Variants in DENND1B observed in about 807,000 individuals in gnomAD.
DENND1B encodes DENN domain containing 1B.
In DENND1B, 59 loss-of-function variants were observed where a neutral mutation model predicts 90.1. That is an observed-to-expected ratio of 0.65 (90% CI 0.53 to 0.81). DENND1B has a LOEUF of 0.81. Ranked by LOEUF, DENND1B falls within the 40% of genes least tolerant of loss-of-function variation. The probability of loss-of-function intolerance (pLI) is 0.00; values close to 1 mark genes in which losing one functional copy is unlikely to be tolerated. For synonymous variants in DENND1B, 337 were observed against 324.6 expected (o/e 1.04, Z -0.41); for missense variants, 862 against 912.6 (o/e 0.94, Z 0.71).
At chr1:197,537,081 T>C (rs1669968052) in intron 20 of DENND1B, among the ~76,000 whole-genome samples, 1 of 151,724 alleles carries the variant, frequency 6.6e-6, no homozygotes, top group Non-Finnish European at 1.5e-5. Context: ...CACAGATATA[T>C]TTACCTATTT....
At chr1:197,587,255 G>GA (rs1470454347) in intron 14 of DENND1B, among the ~76,000 whole-genome samples, 1 of 152,020 alleles carries the variant, frequency 6.6e-6, no homozygotes, top group African/African-American at 2.4e-5. Flanking sequence ...TTCATTCACA[G>GA]AAAAGTAAGT....
At chr1:197,606,461 A>G (rs1676692937) in intron 13 of DENND1B, 1 of 151,278 alleles carries the variant, frequency 6.6e-6, no homozygotes, top group East Asian at 1.9e-4. Flanking sequence ...CAAATGACAA[A>G]CAGTGTAGGT....
chr1:197,773,328 A>G (rs575224343), intron 1 of DENND1B, among the ~76,000 whole-genome samples: 1 of 152,320 alleles, frequency 6.6e-6, no homozygotes, highest in African/African-American at 2.4e-5. Context: ...GAGTGTCCCT[A>G]AGTGTCATTA....
At chr1:197,597,684 C>T (rs1304735265) in intron 13 of DENND1B, among the ~76,000 whole-genome samples, 1 of 151,774 alleles carries the variant, frequency 6.6e-6, no homozygotes. Flanking sequence ...TGCCACAAGC[C>T]ATTCCAAACC....
At chr1:197,523,030 C>T (rs990582947) in intron 20 of DENND1B, among the ~76,000 whole-genome samples, 3 of 152,184 alleles carry the variant, frequency 2.0e-5, no homozygotes, top group South Asian at 2.1e-4. Flanking sequence ...ATTGAGGTAA[C>T]TCTACTACCT....
intron 18 of DENND1B, among the ~76,000 whole-genome samples, chr1:197,542,650 C>T (rs1007402163): frequency 4.6e-5 from 7 of 152,032 alleles, no homozygotes; most frequent in Non-Finnish European, 7.4e-5. Context: ...TTATACCACA[C>T]AACAGAAATT....
At chr1:197,732,765 G>A (rs1350161718) in intron 2 of DENND1B, among the ~76,000 whole-genome samples, 1 of 152,124 alleles carries the variant, frequency 6.6e-6, no homozygotes, top group Non-Finnish European at 1.5e-5. Flanking sequence ...GCAGACAGAT[G>A]ACACAGTTAC....
chr1:197,731,220 T>G (rs1013580962), intron 2 of DENND1B, among the ~76,000 whole-genome samples: 1 of 152,090 alleles, frequency 6.6e-6, no homozygotes, highest in Non-Finnish European at 1.5e-5. Flanking sequence ...ATTATGTCCT[T>G]TGGAACAACA....
chr1:197,576,141 G>C (rs1673664946), intron 15 of DENND1B, among the ~76,000 whole-genome samples: 1 of 152,080 alleles, frequency 6.6e-6, no homozygotes, highest in South Asian at 2.1e-4. Context: ...AAGACAGAAT[G>C]ATCAATGTAA....
intron 15 of DENND1B, among the ~76,000 whole-genome samples, chr1:197,553,593 G>T (rs1168084354): frequency 1.3e-5 from 2 of 152,144 alleles, no homozygotes; most frequent in Non-Finnish European, 2.9e-5. Context: ...GACACAGCAA[G>T]TATCTGTGAG....
chr1:197,644,085 G>A (rs1267178220), intron 9 of DENND1B, among the ~76,000 whole-genome samples: 1 of 152,126 alleles, frequency 6.6e-6, no homozygotes, highest in African/African-American at 2.4e-5. Context: ...AACTATCAGT[G>A]GGTGATGTTG....
At chr1:197,733,257 T>C (rs1359476066) in intron 2 of DENND1B, among the ~76,000 whole-genome samples, 1 of 152,126 alleles carries the variant, frequency 6.6e-6, no homozygotes, top group Non-Finnish European at 1.5e-5. Context: ...TAAACACCTA[T>C]GTTTAAGAAT....
intron 20 of DENND1B, among the ~76,000 whole-genome samples, chr1:197,517,333 C>G (rs927411659): frequency 6.6e-6 from 1 of 151,874 alleles, no homozygotes; most frequent in African/African-American, 2.4e-5. Flanking sequence ...ATTCACTTGC[C>G]TTTCATTCAT....
intron 18 of DENND1B, chr1:197,545,632 A>G (rs1571822971): frequency 7.0e-6 from 2 of 287,638 alleles, no homozygotes; most frequent in East Asian, 1.5e-4. Flanking sequence ...TGAAATAATG[A>G]CATTTTACAA....
chr1:197,680,791 G>C (rs989681652), intron 3 of DENND1B, among the ~76,000 whole-genome samples: 1 of 152,020 alleles, frequency 6.6e-6, no homozygotes, highest in Non-Finnish European at 1.5e-5. Flanking sequence ...TTCAAATTCT[G>C]GTTCTGCAAA....
intron 15 of DENND1B, among the ~76,000 whole-genome samples, chr1:197,556,534 A>G (rs1488392376): frequency 6.6e-6 from 1 of 151,996 alleles, no homozygotes; most frequent in Non-Finnish European, 1.5e-5. Context: ...GAACTATTTG[A>G]GGACAAGGAC....
At chr1:197,578,406 G>A (rs1673889453) in intron 15 of DENND1B, among the ~76,000 whole-genome samples, 1 of 151,934 alleles carries the variant, frequency 6.6e-6, no homozygotes, top group Non-Finnish European at 1.5e-5. Context: ...CACCTTGCCT[G>A]GCTAATTTTT....
chr1:197,698,059 T>A (rs1571400558), intron 3 of DENND1B, among the ~76,000 whole-genome samples: 1 of 152,088 alleles, frequency 6.6e-6, no homozygotes, highest in Non-Finnish European at 1.5e-5. Context: ...CAGCTCTGGA[T>A]CAAGTGGACC....
Position 197,686,734 on chromosome 1 carries a change from T to TTG in DENND1B, c.127-12566_127-12565insCA, listed in dbSNP as rs1429589939. On this transcript the variant is annotated intron_variant, in intron 3 of 22. Transcript: ENST00000620048. The stretch of plus-strand genomic sequence containing the variant: ...AGATATCTGTCTCTTTTTTTTTTTT[T>TTG]GTAACTCTCTTCCTATCTTTGTCAT... Among the ~76,000 whole-genome samples the TTG allele has an allele frequency of 2.0e-5, 3 of 151,774 alleles. No homozygotes were observed. In the South Asian group the frequency reaches 6.2e-4, roughly 32 times the overall value.
Sources: allele counts gnomAD v4.1 joint callset (sites outside exome capture counted in the v4.1 genomes callset), GRCh38; gene constraint gnomAD v4.1.1; transcripts MANE v1.5; gene names NCBI Gene and HGNC (gene_info 2026-07-23, HGNC 2026-07-21).